The following TNIK variants were observed in gnomAD, a reference collection of about 807,000 sequenced individuals.
The protein encoded by TNIK is TRAF2 and NCK-interacting protein kinase.
A neutral mutation model predicts 191.3 loss-of-function variants in TNIK; 49 were observed. That is an observed-to-expected ratio of 0.26 (90% CI 0.20 to 0.32). The LOEUF (loss-of-function observed/expected upper bound fraction) is 0.32, where lower values mean the gene tolerates loss of function less well. TNIK is among the 10% of genes least tolerant of loss of function. The pLI is 1.00. For missense variants in TNIK, 1,155 were observed against 1,702.3 expected (o/e 0.68, Z 5.66); for synonymous variants, 594 against 600.9 (o/e 0.99, Z 0.17).
At chr3:171,182,166 GATTT>G (rs1736735470) in intron 7 of TNIK, among the ~76,000 whole-genome samples, 1 of 78,564 alleles carries the variant, frequency 1.3e-5, no homozygotes, top group African/African-American at 5.0e-5. Flanking sequence ...TCATTGTTAG[GATTT>G]TTTTTTTTTT....
intron 2 of TNIK, among the ~76,000 whole-genome samples, chr3:171,333,417 C>T (rs1756609631): frequency 6.6e-6 from 1 of 151,550 alleles, no homozygotes; most frequent in Non-Finnish European, 1.5e-5. Context: ...ATTAGCCGGA[C>T]GTGGTGGCAG....
intron 6 of TNIK, among the ~76,000 whole-genome samples, chr3:171,190,096 G>A (rs907910491): frequency 6.6e-6 from 1 of 152,198 alleles, no homozygotes; most frequent in African/African-American, 2.4e-5. Flanking sequence ...GCAGTCAAAT[G>A]CATGTGGTAA....
intron 18 of TNIK, among the ~76,000 whole-genome samples, chr3:171,118,827 A>G (rs1727190634): frequency 6.6e-6 from 1 of 152,252 alleles, no homozygotes; most frequent in Admixed American, 6.5e-5. Context: ...ACCTAAAACC[A>G]TAAAAACCCT....
intron 1 of TNIK, among the ~76,000 whole-genome samples, chr3:171,435,943 T>C (rs999272647): frequency 1.1e-4 from 16 of 152,216 alleles, no homozygotes; most frequent in African/African-American, 2.4e-5. Flanking sequence ...TATGGCTTGT[T>C]CTGGAGTGGG....
intron 2 of TNIK, among the ~76,000 whole-genome samples, chr3:171,300,147 C>G (rs1181018030): frequency 6.6e-6 from 1 of 152,206 alleles, no homozygotes; most frequent in Non-Finnish European, 1.5e-5. Flanking sequence ...ATGTTTCTGA[C>G]TTGGGAGTGA....
intron 2 of TNIK, among the ~76,000 whole-genome samples, chr3:171,357,371 C>T (rs1485998203): frequency 1.3e-5 from 2 of 151,804 alleles, no homozygotes; most frequent in African/African-American, 4.8e-5. Context: ...TCATTGCAAC[C>T]TCCATCTCCC....
intron 16 of TNIK, 22 bp from the exon 17 acceptor site, chr3:171,126,173 A>C: frequency 1.3e-6 from 2 of 1,517,150 alleles, no homozygotes; most frequent in Non-Finnish European, 1.8e-6. Context: ...AACAACATGA[A>C]AACAGCACTA....
At chr3:171,447,269 A>C (rs1276229208) in intron 1 of TNIK, among the ~76,000 whole-genome samples, 4 of 151,936 alleles carry the variant, frequency 2.6e-5, no homozygotes, top group Non-Finnish European at 5.9e-5. Flanking sequence ...GTTAATCCCC[A>C]AATAGCTACC....
At chr3:171,338,486 T>C (rs974126440) in intron 2 of TNIK, among the ~76,000 whole-genome samples, 1 of 152,046 alleles carries the variant, frequency 6.6e-6, no homozygotes. Context: ...GCTTAACTCT[T>C]TTTTATTATT....
At chr3:171,068,547 C>G (rs557426513) in intron 30 of TNIK, among the ~76,000 whole-genome samples, 1 of 152,070 alleles carries the variant, frequency 6.6e-6, no homozygotes. Context: ...ACTTGTCTAC[C>G]GAATATAATT....
intron 2 of TNIK, among the ~76,000 whole-genome samples, chr3:171,262,703 A>G (rs1245350149): frequency 6.6e-6 from 1 of 152,278 alleles, no homozygotes; most frequent in South Asian, 2.1e-4. Context: ...CTAAGCAGTC[A>G]GTTGCCTACC....
intron 15 of TNIK, among the ~76,000 whole-genome samples, chr3:171,129,383 A>G (rs1728935410): frequency 6.6e-6 from 1 of 152,200 alleles, no homozygotes; most frequent in African/African-American, 2.4e-5. Context: ...ACTGATAGAC[A>G]AGTGGGTGTT....
chr3:171,249,636 C>T (rs2109076348), intron 2 of TNIK, among the ~76,000 whole-genome samples: 1 of 152,300 alleles, frequency 6.6e-6, no homozygotes, highest in East Asian at 1.9e-4. Flanking sequence ...TAATTCATTA[C>T]AAAAAGACAA....
chr3:171,256,539 TGAAGAATCATGGGGAGCTAC>T (rs1179347301), intron 2 of TNIK, among the ~76,000 whole-genome samples: 1 of 152,198 alleles, frequency 6.6e-6, no homozygotes, highest in African/African-American at 2.4e-5. Context: ...GTGCTGGCCA[TGAAGAATCATGGGGAGCTAC>T]TTCATAAACA....
At chr3:171,354,268 A>C (rs1713677343) in intron 2 of TNIK, among the ~76,000 whole-genome samples, 1 of 152,176 alleles carries the variant, frequency 6.6e-6, no homozygotes, top group Non-Finnish European at 1.5e-5. Flanking sequence ...GATTGTAAAA[A>C]GGGGATTTTC....
At position 171,159,072 on chromosome 3, in the gene TNIK, C is replaced by CATAA. The variant is rs1400141925; in HGVS notation, c.1017-1409_1017-1408insTTAT. ...CACGGGAAGGTTTTATGCAGAAGAG[C>CATAA]AACATGAGCAGATGGGTTTGGCTGC... On this transcript the variant is annotated intron_variant, in intron 11 of 32. Transcript: ENST00000436636. The surrounding 1 kb of genome is among the most constrained non-coding windows in gnomAD (Gnocchi z 4.1). Among the ~76,000 whole-genome samples the CATAA allele has an allele frequency of 2.0e-5, 3 of 152,132 alleles. No individual in the cohort carries two copies. The highest frequency in any genetic ancestry group is 6.5e-5 in the Admixed American group (1 of 15,270).
At chr3:171,125,128 C>T (rs1287295457) in intron 17 of TNIK, among the ~76,000 whole-genome samples, 1 of 152,176 alleles carries the variant, frequency 6.6e-6, no homozygotes, top group Non-Finnish European at 1.5e-5. Context: ...AATTGTGGAA[C>T]ATTCCATTTG....
At chr3:171,071,583 G>A (rs187889602) in intron 28 of TNIK, among the ~76,000 whole-genome samples, 1 of 152,168 alleles carries the variant, frequency 6.6e-6, no homozygotes, top group East Asian at 1.9e-4. Flanking sequence ...AACTGCTTAG[G>A]ACTGTCTTTA....
In TNIK at chr3:171,188,845, A is replaced by G. The variant is rs1737681200; in HGVS notation, c.509-13T>C. On this transcript the variant is annotated splice_polypyrimidine_tract_variant and intron_variant, in intron 6 of 32. Coordinates refer to ENST00000436636, the MANE Select transcript of TNIK (RefSeq NM_015028.4). ...ACTCCAAAGTCCACTATTTAAGAAA[A>G]GACAAGTAAATAAAGTCTGTGATCA... 1 of 1,612,356 alleles carries G rather than the reference A, an allele frequency of 6.2e-7. No homozygotes were observed. Among genetic ancestry groups the G allele is most frequent in the East Asian group, 2.2e-5 (1 of 44,848 alleles).
Sources: gnomAD v4.1 joint callset for allele counts (sites outside exome capture counted in the v4.1 genomes callset) on GRCh38, gnomAD v4.1.1 for gene constraint, Gnocchi (gnomAD v3.1) non-coding constraint, MANE v1.5 for transcripts, NCBI Gene and HGNC (gene_info 2026-07-23, HGNC 2026-07-21) for gene names.